The following TMEM131 variants were observed in gnomAD, a reference collection of about 807,000 sequenced individuals.
The protein encoded by TMEM131 is 2610524E03Rik.
TMEM131 carries 66 observed loss-of-function variants against 211.6 expected under a neutral mutation model. The ratio of observed to expected loss-of-function variants is 0.31; its 90% confidence interval spans 0.26 to 0.38. The LOEUF is 0.38. TMEM131 is among the 10% of genes least tolerant of loss of function. TMEM131 has a pLI of 1.00. For synonymous variants in TMEM131, 844 were observed against 841.3 expected, an observed-to-expected ratio of 1.00 and a Z score of -0.06; for missense variants, 2,036 against 2,299.3, an observed-to-expected ratio of 0.89 and a Z score of 2.34.
At chr2:97,904,365 T>C (rs1012581855) in intron 3 of TMEM131, among the ~76,000 whole-genome samples, 2 of 151,754 alleles carry the variant, frequency 1.3e-5, no homozygotes, top group African/African-American at 4.8e-5. Context: ...AAGGTAGCTA[T>C]GGGGAGGGAA....
chr2:97,848,956 G>A (rs1295532821), intron 5 of TMEM131, among the ~76,000 whole-genome samples: 1 of 152,024 alleles, frequency 6.6e-6, no homozygotes, highest in Non-Finnish European at 1.5e-5. Flanking sequence ...GAACTCTCAC[G>A]AACTCAATGA....
Position 97,929,254 on chromosome 2 carries a change from G to C in TMEM131, c.188-1767C>G, listed in dbSNP as rs539121699. On this transcript the variant is annotated intron_variant, in intron 1 of 40. Coordinates refer to ENST00000186436, the MANE Select transcript of TMEM131 (RefSeq NM_015348.2). ...GAATCAACAGAAAGAGCTCCCAAATGACCAAAGCTGAAACAATCTGAGCAA... is the reference window on the plus strand; with the variant it reads ...GAATCAACAGAAAGAGCTCCCAAATCACCAAAGCTGAAACAATCTGAGCAA... 1.3e-5 allele frequency among the ~76,000 whole-genome samples: 2 copies of C among 151,740 alleles called. 1 individual carries two copies. The highest frequency in any genetic ancestry group is 4.9e-5 in the African/African-American group (2 of 41,116).
At chr2:97,897,381 T>G (rs1675657730) in intron 3 of TMEM131, among the ~76,000 whole-genome samples, 1 of 152,114 alleles carries the variant, frequency 6.6e-6, no homozygotes, top group Non-Finnish European at 1.5e-5. Context: ...ATTCAATCTT[T>G]TACCATTAAT....
chr2:97,868,013 T>C (rs1674339948), intron 4 of TMEM131, among the ~76,000 whole-genome samples: 1 of 152,224 alleles, frequency 6.6e-6, no homozygotes, highest in Admixed American at 6.5e-5. Context: ...TCTGTTGAGG[T>C]GGTCCATTGA....
chr2:97,991,640 G>A (rs963434207), intron 1 of TMEM131, among the ~76,000 whole-genome samples: 1 of 152,122 alleles, frequency 6.6e-6, no homozygotes, highest in South Asian at 2.1e-4. Flanking sequence ...AACCAGAACC[G>A]AGAAGTACAG....
chr2:97,924,735 G>A (rs964540223), intron 2 of TMEM131, among the ~76,000 whole-genome samples: 3 of 152,202 alleles, frequency 2.0e-5, no homozygotes, highest in Non-Finnish European at 4.4e-5. Flanking sequence ...TCCAGGTTTT[G>A]AGGACTTTGG....
At position 97,818,603 on chromosome 2, in the gene TMEM131, G is replaced by C; in HGVS notation, c.1183+10C>G. The C allele has an allele frequency of 6.5e-7, 1 of 1,526,812 alleles. No individual in the cohort carries two copies. The highest frequency in any genetic ancestry group is 9.0e-7 in the Non-Finnish European group (1 of 1,107,088). The allele number at this position is 1,526,812 out of a possible 1,614,324, so 94.6% of individuals were successfully genotyped here. A position where few individuals can be genotyped will look rare whatever the true frequency, so the allele number is the denominator to read the frequency against. On this transcript the variant is annotated intron_variant, in intron 12 of 40. Coordinates refer to ENST00000186436, the MANE Select transcript of TMEM131 (RefSeq NM_015348.2). ...ATCACTCTATCAGAGAGAAAATGGT[G>C]AATACTTGCCATCAAAACTAATGCT...
intron 4 of TMEM131, among the ~76,000 whole-genome samples, chr2:97,881,807 T>C (rs866230815): frequency 2.0e-5 from 3 of 151,950 alleles, no homozygotes; most frequent in South Asian, 2.1e-4. Flanking sequence ...TATTCTAATC[T>C]TTTTTCACTT....
intron 38 of TMEM131, 134 bp downstream of exon 38, chr2:97,760,459 C>T: frequency 1.2e-6 from 1 of 845,402 alleles, no homozygotes; most frequent in East Asian, 2.7e-5. Flanking sequence ...CTTAGAGGCA[C>T]TTGACCACTT....
intron 2 of TMEM131, among the ~76,000 whole-genome samples, chr2:97,912,013 A>G (rs1676310826): frequency 6.6e-6 from 1 of 152,206 alleles, no homozygotes; most frequent in Non-Finnish European, 1.5e-5. Context: ...GATAAACTCA[A>G]CTGTTTATAT....
intron 1 of TMEM131, among the ~76,000 whole-genome samples, chr2:97,974,443 T>C (rs916000919): frequency 1.3e-5 from 2 of 151,506 alleles, no homozygotes; most frequent in Admixed American, 6.6e-5. Flanking sequence ...TTTAAAGAAA[T>C]AGTAAGCAAA....
At chr2:97,957,306 T>C (rs1337863927) in intron 1 of TMEM131, among the ~76,000 whole-genome samples, 3 of 152,192 alleles carry the variant, frequency 2.0e-5, no homozygotes, top group Non-Finnish European at 4.4e-5. Context: ...ATGATTTACA[T>C]AAACTAAATT....
intron 1 of TMEM131, among the ~76,000 whole-genome samples, chr2:97,985,858 T>C (rs1011234317): frequency 2.6e-5 from 4 of 151,844 alleles, no homozygotes; most frequent in East Asian, 1.9e-4. Context: ...AAATAGAGAT[T>C]TGCATTTAAA....
At position 97,814,326 on chromosome 2, in the gene TMEM131, ACAGGATCAG is replaced by A; in HGVS notation, c.1346_1354del (p.Ala449_Pro451del). 1 of 1,613,924 alleles carries A rather than the reference ACAGGATCAG, an allele frequency of 6.2e-7. No individual in the cohort carries two copies. ...GTTAGTAAGGTAAATTGGCCTTTCC[ACAGGATCAG>A]CAGGGCTGTCTCGGATGTGAAATAA... On this transcript the variant is annotated inframe_deletion, in exon 14 of 41. Coordinates refer to ENST00000186436, the MANE Select transcript of TMEM131 (RefSeq NM_015348.2).
chr2:97,940,393 T>C (rs1573587568), intron 1 of TMEM131, among the ~76,000 whole-genome samples: 1 of 152,106 alleles, frequency 6.6e-6, no homozygotes, highest in South Asian at 2.1e-4. Context: ...GAGAGCCAAA[T>C]CATGAGTGAA....
intron 1 of TMEM131, among the ~76,000 whole-genome samples, chr2:97,980,900 A>G (rs1029251450): frequency 2.6e-5 from 4 of 151,978 alleles, no homozygotes; most frequent in Non-Finnish European, 4.4e-5. Flanking sequence ...TCAGTGGTTG[A>G]CAAGAGTCAG....
intron 10 of TMEM131, 70 bp from the exon 11 acceptor site, chr2:97,833,496 A>G (rs956079118): frequency 1.4e-5 from 10 of 692,594 alleles, no homozygotes; most frequent in African/African-American, 1.3e-4. Flanking sequence ...TCTTTACCTT[A>G]TAAGATATCA....
intron 2 of TMEM131, among the ~76,000 whole-genome samples, chr2:97,927,069 A>G (rs1677021626): frequency 6.6e-6 from 1 of 152,210 alleles, no homozygotes. Flanking sequence ...ATTAGAGCTC[A>G]TTATGTTCAG....
chr2:97,786,260 A>G (rs1680245062), intron 31 of TMEM131, among the ~76,000 whole-genome samples: 1 of 152,196 alleles, frequency 6.6e-6, no homozygotes, highest in Non-Finnish European at 1.5e-5. Context: ...AAAACAAGCA[A>G]GTGGCCAGAT....
Sources: allele counts gnomAD v4.1 joint callset (sites outside exome capture counted in the v4.1 genomes callset), GRCh38; gene constraint gnomAD v4.1.1; transcripts MANE v1.5; gene names NCBI Gene and HGNC (gene_info 2026-07-23, HGNC 2026-07-21).